The following TTC9 variants were observed in gnomAD, a reference collection of about 807,000 sequenced individuals.
TTC9 encodes tetratricopeptide repeat protein 9A.
TTC9 carries 13 observed loss-of-function variants against 22.9 expected under a neutral mutation model. That is an observed-to-expected ratio of 0.57 (90% CI 0.37 to 0.90). The LOEUF (loss-of-function observed/expected upper bound fraction) is 0.90. Ranked by LOEUF, TTC9 falls within the 40% of genes least tolerant of loss-of-function variation. The pLI, the probability that TTC9 is intolerant of heterozygous loss-of-function variation, is 0.01. For synonymous variants in TTC9, 148 were observed against 133.2 expected, an observed-to-expected ratio of 1.11 and a Z score of -0.77; for missense variants, 280 against 291.8, an observed-to-expected ratio of 0.96 and a Z score of 0.29.
chr14:70,671,126 T>C lies in TTC9; in HGVS notation c.640T>C (p.Cys214Arg), dbSNP rs1886288082. Residue 214 changes from cysteine to arginine, a missense_variant, in exon 3 of 3, where the codon TGC (cysteine) becomes CGC (arginine). By Grantham distance (180) the Cys-to-Arg change is radical. This residue lies in a region of TTC9 where 22 missense variants were observed against 20.4 expected (regional missense o/e 1.08). Coordinates refer to ENST00000256367, the MANE Select transcript of TTC9 (RefSeq NM_015351.2). ...GCTGACGGAGATGAAACTCAGCCGATGCTCCCAGAGAGAAAAAGAAGCCAT... is the reference window on the plus strand; with the variant it reads ...GCTGACGGAGATGAAACTCAGCCGACGCTCCCAGAGAGAAAAAGAAGCCAT... ...IQLTEMKLSR[C>R]SQREKEAM 1 of 1,613,774 alleles carries C rather than the reference T, an allele frequency of 6.2e-7. No homozygotes were observed. The highest frequency in any genetic ancestry group is 8.5e-7 in the Non-Finnish European group (1 of 1,179,774).
At chr14:70,643,879 TAGC>T (rs1885865821) in intron 1 of TTC9, among the ~76,000 whole-genome samples, 1 of 152,198 alleles carries the variant, frequency 6.6e-6, no homozygotes, top group Admixed American at 6.5e-5. Context: ...AGAGTAGTAG[TAGC>T]AGCAGTTGGA....
rs73287922 is a variant in TTC9 at position 70,661,178 on chromosome 14, T to C, written c.407-6386T>C. 7.5e-3 allele frequency among the ~76,000 whole-genome samples: 1,142 copies of C among 152,292 alleles called. 19 individuals are homozygous for C. The highest frequency in any genetic ancestry group is 0.026 in the African/African-American group (1,095 of 41,568). ...TGTAGATAGCCGTCTTCCTAGATCT[T>C]ATTGCATCATCTTTCCACTCTGTAT... On this transcript the variant is annotated intron_variant, in intron 1 of 2. Coordinates refer to ENST00000256367, the MANE Select transcript of TTC9 (RefSeq NM_015351.2).
In TTC9 at chr14:70,663,070, T is replaced by G. The variant is rs144399231; in HGVS notation, c.407-4494T>G. ...CTCTGGTCACCTGAGTCACCATCAC[T>G]TCATCATCCAAATCCACTCTTGCCT... is the stretch of plus-strand genomic sequence containing the variant. On this transcript the variant is annotated intron_variant, in intron 1 of 2. Coordinates refer to ENST00000256367, the MANE Select transcript of TTC9 (RefSeq NM_015351.2). 1.4e-4 allele frequency among the ~76,000 whole-genome samples: 22 copies of G among 152,304 alleles called. No individual in the cohort carries two copies. The East Asian group carries it at 2.5e-3, about 17-fold the overall frequency.
At position 70,642,395 on chromosome 14, in the gene TTC9, G is replaced by T. The variant is rs1885830230; in HGVS notation, c.266G>T (p.Gly89Val). The part of the protein sequence containing the change: ...KYHRALLELK[G>V]LLPPPGERER... The stretch of plus-strand genomic sequence containing the variant: ...CACCGGGCGTTGCTGGAGCTGAAGG[G>T]GCTGCTGCCGCCCCCCGGGGAACGG... The change falls in exon 1 of 3, where the codon GGG becomes GTG. Residue 89 changes from glycine to valine, a missense_variant. Gly to Val is a moderately radical substitution (Grantham distance 109, BLOSUM62 -3). Transcript: ENST00000256367. 1.9e-6 allele frequency: 3 copies of T among 1,602,530 alleles called. No homozygotes were observed. The highest frequency in any genetic ancestry group is 2.3e-5 in the East Asian group (1 of 44,208).
At chr14:70,663,037 C>T (rs936950080) in intron 1 of TTC9, among the ~76,000 whole-genome samples, 5 of 152,172 alleles carry the variant, frequency 3.3e-5, no homozygotes, top group African/African-American at 4.8e-5. Flanking sequence ...CCTGCTTATC[C>T]GCCTCCACTC....
At position 70,673,385 on chromosome 14, in the gene TTC9, C is replaced by T. The variant is rs192735227; in HGVS notation, c.*2230C>T. 1.2e-4 allele frequency: 19 copies of T among 152,352 alleles called. No individual in the cohort carries two copies. Among genetic ancestry groups the T allele is most frequent in the African/African-American group, 3.9e-4 (16 of 41,558 alleles). The allele number at this position is 152,352 out of a possible 1,614,324, so 9.4% of individuals were successfully genotyped here. Reference sequence around the variant, plus strand: ...GGAAGGTGCTAGAAATATTGAGGGGCCTGCCATTACTCACCTAGAGCTCAC... The same window carrying T: ...GGAAGGTGCTAGAAATATTGAGGGGTCTGCCATTACTCACCTAGAGCTCAC... On this transcript the variant is annotated 3_prime_UTR_variant, in exon 3 of 3. Transcript: ENST00000256367.
intron 1 of TTC9, among the ~76,000 whole-genome samples, chr14:70,664,923 A>C (rs1181828775): frequency 6.6e-6 from 1 of 151,980 alleles, no homozygotes; most frequent in Admixed American, 6.5e-5. Flanking sequence ...CAGGTATGCC[A>C]GTTCCCACCG....
chr14:70,656,243 ACAC>A (rs1886065383), intron 1 of TTC9, among the ~76,000 whole-genome samples: 1 of 149,872 alleles, frequency 6.7e-6, no homozygotes, highest in African/African-American at 2.5e-5. Flanking sequence ...ACACACACAC[ACAC>A]ATTTATTTTT....
At chr14:70,657,808 A>G (rs1886088067) in intron 1 of TTC9, among the ~76,000 whole-genome samples, 1 of 152,176 alleles carries the variant, frequency 6.6e-6, no homozygotes, top group Non-Finnish European at 1.5e-5. Flanking sequence ...TCTACTAAAA[A>G]TACAAAAATT....
intron 1 of TTC9, among the ~76,000 whole-genome samples, chr14:70,660,947 T>C (rs1313402632): frequency 6.6e-6 from 1 of 152,220 alleles, no homozygotes; most frequent in Admixed American, 6.5e-5. Context: ...AAGCAGTGAC[T>C]AGCAAGGTAT....
In TTC9 at chr14:70,642,412, G is replaced by A. The variant is rs1452238172; in HGVS notation, c.283G>A (p.Gly95Arg). 3.1e-6 allele frequency: 5 copies of A among 1,595,812 alleles called. No homozygotes were observed. In the Admixed American group the frequency reaches 6.9e-5, roughly 22 times the overall value. Residue 95 changes from glycine to arginine, a missense_variant, in exon 1 of 3, where the codon GGG becomes AGG. By Grantham distance (125) the Gly-to-Arg change is moderately radical. Coordinates refer to ENST00000256367, the MANE Select transcript of TTC9 (RefSeq NM_015351.2). ...LELKGLLPPP[G>R]ERERDSRPAS... ...GCTGAAGGGGCTGCTGCCGCCCCCC[G>A]GGGAACGGGAGCGGGACTCGCGCCC...
chr14:70,642,249 G>A lies in TTC9; in HGVS notation c.120G>A (p.Ala40=), dbSNP rs1885824659. 19 of 1,405,960 alleles carry A rather than the reference G, an allele frequency of 1.4e-5. No homozygotes were observed. Among genetic ancestry groups the A allele is most frequent in the Non-Finnish European group, 1.8e-5 (19 of 1,079,760 alleles). 87.1% of individuals were successfully genotyped at this position (1,405,960 alleles called of 1,614,324 possible). ...CVPGGGGGAP[A]RGQVGAAAEP... is the part of the protein sequence containing the mutation. ...CGGGCGGCGGCGGAGGAGCCCCAGC[G>A]AGGGGCCAGGTCGGGGCGGCGGCCG... Residue 40 remains alanine (A), a synonymous_variant, in exon 1 of 3, where the codon GCG becomes GCA. Coordinates refer to ENST00000256367, the MANE Select transcript of TTC9 (RefSeq NM_015351.2).
At chr14:70,653,195 G>C (rs1459132486) in intron 1 of TTC9, among the ~76,000 whole-genome samples, 1 of 152,194 alleles carries the variant, frequency 6.6e-6, no homozygotes, top group Non-Finnish European at 1.5e-5. Context: ...ACAGATGCTA[G>C]TTAATATTTG....
chr14:70,655,495 C>T (rs1308322339), intron 1 of TTC9, among the ~76,000 whole-genome samples: 1 of 152,142 alleles, frequency 6.6e-6, no homozygotes. Context: ...ATTTCCTTGC[C>T]GTTTTTCTTC....
intron 1 of TTC9, among the ~76,000 whole-genome samples, chr14:70,657,688 A>G (rs1408086415): frequency 6.6e-6 from 1 of 152,202 alleles, no homozygotes; most frequent in Non-Finnish European, 1.5e-5. Context: ...CTTGTGGGCC[A>G]GACACGGTGG....
chr14:70,667,538 G>A (rs1474105256), intron 1 of TTC9, 26 bp from the exon 2 acceptor site: 1 of 1,612,994 alleles, frequency 6.2e-7, no homozygotes. Flanking sequence ...TTGTGCTGAT[G>A]GCATTTTCCC....
chr14:70,642,565 G>C (rs528465703), intron 1 of TTC9, 30 bp downstream of exon 1: 19 of 1,462,748 alleles, frequency 1.3e-5, no homozygotes, highest in Middle Eastern at 1.8e-4. Context: ...CCGCGCCGCG[G>C]TCCCCGTTCT....
Position 70,673,183 on chromosome 14 carries a change from C to A in TTC9, c.*2028C>A, listed in dbSNP as rs1886320279. ...ACTCACCTAGCATTCATCACCCATC[C>A]CCAGCATTGGGAAAGGGTCACAATT... On this transcript the variant is annotated 3_prime_UTR_variant, in exon 3 of 3. Transcript: ENST00000256367. 1 of 152,184 alleles carries A rather than the reference C, an allele frequency of 6.6e-6. No individual in the cohort carries two copies. Among genetic ancestry groups the A allele is most frequent in the African/African-American group, 2.4e-5 (1 of 41,416 alleles). 9.4% of individuals were successfully genotyped at this position (152,184 alleles called of 1,614,324 possible). A position where few individuals can be genotyped will look rare whatever the true frequency, so the allele number is the denominator to read the frequency against.
chr14:70,661,134 C>T (rs1211622595), intron 1 of TTC9, among the ~76,000 whole-genome samples: 1 of 152,144 alleles, frequency 6.6e-6, no homozygotes, highest in Non-Finnish European at 1.5e-5. Flanking sequence ...TTCTGGTAGC[C>T]CCAGGCACTC....
Sources: allele counts gnomAD v4.1 joint callset (sites outside exome capture counted in the v4.1 genomes callset), GRCh38; gene constraint gnomAD v4.1.1; regional missense constraint gnomAD v4.1.1; transcripts MANE v1.5; gene names NCBI Gene and HGNC (gene_info 2026-07-23, HGNC 2026-07-21).